The following GREB1L variants were observed in gnomAD, a reference collection of about 807,000 sequenced individuals.
GREB1L encodes the protein GREB1 like retinoic acid receptor coactivator.
In GREB1L, 17 loss-of-function variants were observed where a neutral mutation model predicts 200.8. The observed-to-expected ratio is 0.08, with a 90% CI of 0.06 to 0.13. The LOEUF is 0.13. GREB1L is among the 10% of genes least tolerant of loss of function. The pLI, the probability that GREB1L is intolerant of heterozygous loss-of-function variation, is 1.00. For missense variants in GREB1L, 1,657 were observed against 2,367.7 expected (o/e 0.70, Z 6.23); for synonymous variants, 789 against 893.0 (o/e 0.88, Z 2.08).
In GREB1L at chr18:21,308,045, G is replaced by A. The variant is rs530746169; in HGVS notation, c.-119-57982G>A. On this transcript the variant is annotated intron_variant, in intron 1 of 32. Transcript: ENST00000424526. ...TTCTACAAGTTATGCTAATTTGGATGTGCCATCTGTTTCCTGTTTGGATCC... is the reference window on the plus strand; with the variant it reads ...TTCTACAAGTTATGCTAATTTGGATATGCCATCTGTTTCCTGTTTGGATCC... Among the ~76,000 whole-genome samples, 11 of 152,344 alleles carry A rather than the reference G, an allele frequency of 7.2e-5. No individual in the cohort carries two copies. In the East Asian group the frequency reaches 1.9e-3, roughly 27 times the overall value.
intron 28 of GREB1L, among the ~76,000 whole-genome samples, chr18:21,514,643 C>T (rs1399678479): frequency 2.0e-5 from 3 of 152,200 alleles, no homozygotes; most frequent in Non-Finnish European, 4.4e-5. Context: ...AGAGATGTTG[C>T]CCAGTCTGGT....
intron 19 of GREB1L, among the ~76,000 whole-genome samples, chr18:21,493,944 A>C (rs1295355522): frequency 6.7e-6 from 1 of 149,724 alleles, no homozygotes; most frequent in Non-Finnish European, 1.5e-5. Flanking sequence ...TATAAACCTG[A>C]CCTCTTCCTG....
In GREB1L at chr18:21,317,275, TA is replaced by T. The variant is rs757361439; in HGVS notation, c.-119-48744del. ...TCCCCTATCTAAAGTTATACAATGT[TA>T]AAAAAAATTGCAAACTCATTATACA... On this transcript the variant is annotated intron_variant, in intron 1 of 32. Coordinates refer to ENST00000424526, the MANE Select transcript of GREB1L (RefSeq NM_001142966.3). Among the ~76,000 whole-genome samples, 3 of 151,304 alleles carry T rather than the reference TA, an allele frequency of 2.0e-5. No individual in the cohort carries two copies. In the South Asian group the frequency reaches 6.3e-4, roughly 32 times the overall value.
At chr18:21,386,543 C>A in intron 4 of GREB1L, among the ~76,000 whole-genome samples, 1 of 151,098 alleles carries the variant, frequency 6.6e-6, no homozygotes, top group East Asian at 1.9e-4. Context: ...CCCTCCTCGG[C>A]TCCCAAAGTG....
At chr18:21,450,833 T>C (rs2034484476) in intron 12 of GREB1L, 190 bp from the exon 13 acceptor site, 1 of 528,470 alleles carries the variant, frequency 1.9e-6, no homozygotes, top group Non-Finnish European at 3.3e-6. Flanking sequence ...CATTTCTGTT[T>C]CTGTCTAGAG....
rs574603434 is a variant in GREB1L, at chr18:21,506,251, C to T, written c.4368+302C>T. Among the ~76,000 whole-genome samples the T allele has an allele frequency of 4.6e-5, 7 of 152,060 alleles. 1 individual carries two copies. The South Asian group carries it at 1.5e-3, about 32-fold the overall frequency. ...TCTACCAAAAATACAAAAAATTAGCCGGGTGTGGTGGCACATGCCTGTAAT... is the reference window on the plus strand; with the variant it reads ...TCTACCAAAAATACAAAAAATTAGCTGGGTGTGGTGGCACATGCCTGTAAT... On this transcript the variant is annotated intron_variant, in intron 25 of 32. Coordinates refer to ENST00000424526, the MANE Select transcript of GREB1L (RefSeq NM_001142966.3).
intron 7 of GREB1L, 22 bp downstream of exon 7, chr18:21,404,016 C>T: frequency 6.5e-7 from 1 of 1,543,808 alleles, no homozygotes; most frequent in Non-Finnish European, 8.8e-7. Context: ...TTTCTTTTGG[C>T]ATTTCAAGCA....
chr18:21,491,933 A>G (rs755730627), intron 19 of GREB1L, among the ~76,000 whole-genome samples: 4 of 152,124 alleles, frequency 2.6e-5, no homozygotes, highest in Admixed American at 1.3e-4. Context: ...TGTTATAGTC[A>G]TAGACTACAT....
chr18:21,457,468 T>G (rs2034821461), intron 15 of GREB1L, among the ~76,000 whole-genome samples: 1 of 152,210 alleles, frequency 6.6e-6, no homozygotes, highest in East Asian at 1.9e-4. Flanking sequence ...AAAAATAAAG[T>G]AGAAACCTTT....
intron 7 of GREB1L, among the ~76,000 whole-genome samples, chr18:21,413,880 A>G (rs1166488751): frequency 6.6e-6 from 1 of 152,188 alleles, no homozygotes; most frequent in Non-Finnish European, 1.5e-5. Flanking sequence ...CAGTGAAGTC[A>G]TTTTCACTTA....
chr18:21,479,203 C>T (rs1291533344), intron 17 of GREB1L, among the ~76,000 whole-genome samples: 6 of 151,876 alleles, frequency 4.0e-5, no homozygotes, highest in South Asian at 2.1e-4. Flanking sequence ...ATTTTTTAAT[C>T]CCCCAGATAG....
intron 7 of GREB1L, among the ~76,000 whole-genome samples, chr18:21,404,435 T>C (rs1216080188): frequency 2.0e-5 from 3 of 152,180 alleles, no homozygotes; most frequent in Non-Finnish European, 4.4e-5. Flanking sequence ...GGATTGTGGA[T>C]CACAACGGAT....
At chr18:21,378,331 T>G (rs2040160764) in intron 2 of GREB1L, among the ~76,000 whole-genome samples, 2 of 152,226 alleles carry the variant, frequency 1.3e-5, no homozygotes. Context: ...CAGCACTAAA[T>G]TAAGTCTGGG....
At chr18:21,317,516 T>G (rs765901702) in intron 1 of GREB1L, 1 of 151,282 alleles carries the variant, frequency 6.6e-6, no homozygotes, top group Non-Finnish European at 1.5e-5. Flanking sequence ...GGCAGGAGGA[T>G]CACTTGAGCC....
At position 21,433,172 on chromosome 18, in the gene GREB1L, G is replaced by A. The variant is rs145564230; in HGVS notation, c.833-6349G>A. On this transcript the variant is annotated intron_variant, in intron 7 of 32. Transcript: ENST00000424526. ...ATACTATGTCCAGAAATATTATGAC[G>A]TTTTCTTCATGTAGTTGCATACATT... is the stretch of plus-strand genomic sequence containing the variant. Among the ~76,000 whole-genome samples the A allele has an allele frequency of 4.9e-4, 75 of 152,160 alleles. No individual in the cohort carries two copies. In the Middle Eastern group the frequency reaches 0.01, roughly 21 times the overall value.
At position 21,301,814 on chromosome 18, in the gene GREB1L, A is replaced by T. The variant is rs555842980; in HGVS notation, c.-120+59421A>T. ...CAGCTCAGCTCAAACCAATTAGCAA[A>T]CTTTAAAAATGGCCAGTTCTAATAT... On this transcript the variant is annotated intron_variant, in intron 1 of 32. Coordinates refer to ENST00000424526, the MANE Select transcript of GREB1L (RefSeq NM_001142966.3). Among the ~76,000 whole-genome samples, 223 of 152,338 alleles carry T rather than the reference A, an allele frequency of 1.5e-3. 1 individual carries two copies. Among genetic ancestry groups the T allele is most frequent in the Non-Finnish European group, 2.3e-3 (156 of 68,028 alleles).
At chr18:21,387,447 A>G (rs2040590355) in intron 4 of GREB1L, 1 of 152,246 alleles carries the variant, frequency 6.6e-6, no homozygotes, top group Admixed American at 6.5e-5. Context: ...ATCTTCAGAA[A>G]ATGAAATTAT....
chr18:21,376,311 G>GT (rs2040067691), intron 2 of GREB1L, among the ~76,000 whole-genome samples: 1 of 151,156 alleles, frequency 6.6e-6, no homozygotes, highest in African/African-American at 2.4e-5. Context: ...TAGAGACGGG[G>GT]TTTTGCAATG....
chr18:21,428,332 C>CTT (rs59982674), intron 7 of GREB1L, among the ~76,000 whole-genome samples: 19 of 54,024 alleles, frequency 3.5e-4, no homozygotes, highest in Non-Finnish European at 5.0e-4. Flanking sequence ...GTCTTTTTGT[C>CTT]TTTTTTTTTT....
Sources: gnomAD v4.1 joint callset for allele counts (sites outside exome capture counted in the v4.1 genomes callset) on GRCh38, gnomAD v4.1.1 for gene constraint, MANE v1.5 for transcripts, NCBI Gene and HGNC (gene_info 2026-07-23, HGNC 2026-07-21) for gene names.